ZNF398: variants seen among roughly 807,000 people sequenced by gnomAD.
ZNF398 encodes the protein zinc finger protein 398, also known as zinc finger DNA binding protein ZER6.
Under a neutral mutation model 41.9 loss-of-function variants are expected in ZNF398, and 18 were observed. The observed-to-expected ratio is 0.43, with a 90% CI of 0.30 to 0.64. The LOEUF is 0.64. Ranked by LOEUF, ZNF398 falls within the 30% of genes least tolerant of loss-of-function variation. The pLI, the probability that ZNF398 is intolerant of heterozygous loss-of-function variation, is 0.14. For missense variants in ZNF398, 669 were observed against 822.8 expected, an observed-to-expected ratio of 0.81 and a Z score of 2.29; for synonymous variants, 260 against 308.8, an observed-to-expected ratio of 0.84 and a Z score of 1.66.
At chr7:149,150,039 A>C (rs1347680155) in intron 1 of ZNF398, among the ~76,000 whole-genome samples, 2 of 152,296 alleles carry the variant, frequency 1.3e-5, no homozygotes, top group African/African-American at 4.8e-5. Context: ...AACCTACCCA[A>C]AAAGGTGGAA....
rs200562408 is a variant in ZNF398 at position 149,178,645 on chromosome 7, C to T, written c.776-3C>T. 9 of 1,609,836 alleles carry T rather than the reference C, an allele frequency of 5.6e-6. 1 individual carries two copies. The highest frequency in any genetic ancestry group is 1.7e-5 in the Admixed American group (1 of 59,122). On this transcript the variant is annotated splice_polypyrimidine_tract_variant and splice_region_variant and intron_variant, in intron 5 of 5. Transcript: ENST00000475153. ...GGTATAACTCTGGAGTCTTTTCTTT[C>T]AGATGAAGAGCTTGTCATCAAAGCT...
chr7:149,158,702 C>T (rs1028767728), intron 2 of ZNF398, among the ~76,000 whole-genome samples: 4 of 151,676 alleles, frequency 2.6e-5, no homozygotes, highest in South Asian at 4.2e-4. Context: ...GGCATGGTGG[C>T]GCATTCCTCT....
intron 4 of ZNF398, among the ~76,000 whole-genome samples, chr7:149,173,091 C>CTTTTTTTTTTTTTTTT (rs1795382614): frequency 1.5e-5 from 1 of 67,196 alleles, no homozygotes; most frequent in African/African-American, 5.3e-5. Context: ...GTGGCAATTT[C>CTTTTTTTTTTTTTTTT]TATTTTTTTT....
upstream of ZNF398, among the ~76,000 whole-genome samples, chr7:149,145,853 G>GTCTATA (rs979026512): frequency 2.6e-5 from 4 of 151,128 alleles, no homozygotes; most frequent in African/African-American, 4.9e-5. Flanking sequence ...GACTTGCTAT[G>GTCTATA]TGCATTGGGC....
At chr7:149,155,862 G>A (rs1794965750) in intron 2 of ZNF398, among the ~76,000 whole-genome samples, 1 of 151,346 alleles carries the variant, frequency 6.6e-6, no homozygotes, top group African/African-American at 2.4e-5. Context: ...GAGTAGCTGG[G>A]ACTACAGGCG....
rs138660489 is a variant in ZNF398, at chr7:149,178,756, A to T, written c.884A>T (p.Asp295Val). 6.2e-7 allele frequency: 1 copy of T among 1,613,998 alleles called. No homozygotes were observed. The highest frequency in any genetic ancestry group is 1.3e-5 in the African/African-American group (1 of 74,874). The change falls in exon 6 of 6, where the codon GAT becomes GTT. Residue 295 changes from aspartate to valine, a missense_variant. Physicochemically the swap from Asp to Val is radical, Grantham distance 152. This residue lies in a region of ZNF398 where 290 missense variants were observed against 292.9 expected (regional missense o/e 0.99). Coordinates refer to ENST00000475153, the MANE Select transcript of ZNF398 (RefSeq NM_170686.3). The part of the protein sequence containing the change: ...PPAAAKDAFS[D>V]VAFKSQQSTS... The stretch of plus-strand genomic sequence containing the variant: ...GCAGCAGCAAAGGATGCTTTTTCAG[A>T]TGTGGCTTTCAAAAGCCAGCAGTCT...
intron 3 of ZNF398, among the ~76,000 whole-genome samples, chr7:149,166,614 T>C (rs1239923416): frequency 3.9e-5 from 6 of 152,156 alleles, no homozygotes; most frequent in Admixed American, 3.9e-4. Context: ...ACATGTGCTT[T>C]CCCCACACAT....
intron 2 of ZNF398, among the ~76,000 whole-genome samples, chr7:149,132,485 C>G (rs538533753): frequency 2.0e-5 from 3 of 152,062 alleles, no homozygotes; most frequent in Non-Finnish European, 4.4e-5. Context: ...TTAGCCACCC[C>G]GCCCGGCCTA....
chr7:149,182,519 T>G lies in ZNF398; in HGVS notation c.*2718T>G, dbSNP rs1478221508. On this transcript the variant is annotated 3_prime_UTR_variant, in exon 6 of 6. Transcript: ENST00000475153. ...AGTGCTCCTGAGAGAAACCATGCAA[T>G]TTAACACTTCAGTTAAAGAAATACA... 1 of 152,188 alleles carries G rather than the reference T, an allele frequency of 6.6e-6. No individual in the cohort carries two copies. 9.4% of individuals were successfully genotyped at this position (152,188 alleles called of 1,614,324 possible).
At chr7:149,161,141 A>G (rs76386951) in intron 2 of ZNF398, among the ~76,000 whole-genome samples, 1 of 152,032 alleles carries the variant, frequency 6.6e-6, no homozygotes, top group Non-Finnish European at 1.5e-5. Flanking sequence ...CACCCTGTCT[A>G]TCCCTCCTCC....
chr7:149,145,086 G>A (rs79449445), upstream of ZNF398, among the ~76,000 whole-genome samples: 2,218 of 152,172 alleles, frequency 0.015, 57 homozygotes, highest in African/African-American at 0.051. Flanking sequence ...AGCCACAGGC[G>A]AAAAGTAACT....
At chr7:149,132,091 C>T (rs1394910122) in intron 2 of ZNF398, among the ~76,000 whole-genome samples, 4 of 151,862 alleles carry the variant, frequency 2.6e-5, no homozygotes, top group Admixed American at 2.6e-4. Context: ...AAAAATATTG[C>T]TTGATCAAAA....
At chr7:149,158,138 A>G (rs1374129905) in intron 2 of ZNF398, among the ~76,000 whole-genome samples, 1 of 152,204 alleles carries the variant, frequency 6.6e-6, no homozygotes, top group African/African-American at 2.4e-5. Flanking sequence ...AGGTAGAGGA[A>G]AAAACAAACA....
chr7:149,178,924 A>T lies in ZNF398; in HGVS notation c.1052A>T (p.Asn351Ile). ...TTCTCATGCCACCACTGTGGCAAGAATCTCAGCCAAGACATGTTGCTGACC... is the reference window on the plus strand; with the variant it reads ...TTCTCATGCCACCACTGTGGCAAGATTCTCAGCCAAGACATGTTGCTGACC... ...QVFSCHHCGK[N>I]LSQDMLLTHQ... Residue 351 changes from asparagine to isoleucine, a missense_variant, in exon 6 of 6, where the codon AAT (asparagine) becomes ATT (isoleucine). Asn to Ile is a moderately radical substitution (Grantham distance 149, BLOSUM62 -3). Coordinates refer to ENST00000475153, the MANE Select transcript of ZNF398 (RefSeq NM_170686.3). The T allele has an allele frequency of 6.2e-7, 1 of 1,614,128 alleles. No individual in the cohort carries two copies. Among genetic ancestry groups the T allele is most frequent in the Non-Finnish European group, 8.5e-7 (1 of 1,180,032 alleles).
intron 1 of ZNF398, among the ~76,000 whole-genome samples, chr7:149,127,865 C>T (rs1326447163): frequency 6.6e-6 from 1 of 152,144 alleles, no homozygotes; most frequent in African/African-American, 2.4e-5. Flanking sequence ...CTTGTGCTGC[C>T]ATTCTCTTCT....
rs1795571613 is a variant in ZNF398 at position 149,180,781 on chromosome 7, T to C, written c.*980T>C. 6.6e-6 allele frequency: 1 copy of C among 152,182 alleles called. No individual in the cohort carries two copies. Among genetic ancestry groups the C allele is most frequent in the African/African-American group, 2.4e-5 (1 of 41,440 alleles). 9.4% of individuals were successfully genotyped at this position (152,182 alleles called of 1,614,324 possible). On this transcript the variant is annotated 3_prime_UTR_variant, in exon 6 of 6. Transcript: ENST00000475153. Reference sequence around the variant, plus strand: ...ATCAGCAACAAAGATCACAGCACTTTCCAGAAGCATGGAGCTTCAGAAAGT... The same window carrying C: ...ATCAGCAACAAAGATCACAGCACTTCCCAGAAGCATGGAGCTTCAGAAAGT...
At chr7:149,156,518 A>C (rs527489714) in intron 2 of ZNF398, among the ~76,000 whole-genome samples, 33 of 151,094 alleles carry the variant, frequency 2.2e-4, no homozygotes, top group African/African-American at 7.3e-4. Context: ...AAAAAAAAAA[A>C]AAAAAAAAAG....
At chr7:149,154,371 T>C (rs1209001477) in intron 2 of ZNF398, 31 bp downstream of exon 2, 2 of 1,567,148 alleles carry the variant, frequency 1.3e-6, no homozygotes, top group Non-Finnish European at 1.7e-6. Context: ...TGTAAAGTGG[T>C]ACCACTAGAA....
chr7:149,149,310 T>G (rs1343427908), intron 1 of ZNF398, among the ~76,000 whole-genome samples: 1 of 152,124 alleles, frequency 6.6e-6, no homozygotes, highest in Non-Finnish European at 1.5e-5. Flanking sequence ...CTGGGCTCAC[T>G]GCAACTTCTG....
Sources: allele counts gnomAD v4.1 joint callset (sites outside exome capture counted in the v4.1 genomes callset), GRCh38; gene constraint gnomAD v4.1.1; regional missense constraint gnomAD v4.1.1; transcripts MANE v1.5; gene names NCBI Gene and HGNC (gene_info 2026-07-23, HGNC 2026-07-21).